The following SPIN1 variants were observed in gnomAD, a reference collection of about 807,000 sequenced individuals.
SPIN1 encodes spindlin 1.
Under a neutral mutation model 26.0 loss-of-function variants are expected in SPIN1, and 3 were observed. The observed-to-expected ratio is 0.12, with a 90% CI of 0.05 to 0.30. The LOEUF (loss-of-function observed/expected upper bound fraction) is 0.30, where lower values mean the gene tolerates loss of function less well. SPIN1 is among the 10% of genes least tolerant of loss of function. The probability of loss-of-function intolerance (pLI) is 1.00; values close to 1 mark genes in which losing one functional copy is unlikely to be tolerated. For synonymous variants in SPIN1, 101 were observed against 116.5 expected, an observed-to-expected ratio of 0.87 and a Z score of 0.86; for missense variants, 126 against 333.4, an observed-to-expected ratio of 0.38 and a Z score of 4.84.
intron 1 of SPIN1, among the ~76,000 whole-genome samples, chr9:88,393,265 T>C (rs2117862698): frequency 6.6e-6 from 1 of 151,878 alleles, no homozygotes; most frequent in Admixed American, 6.6e-5. Flanking sequence ...GATGTTATAG[T>C]AGCGTGTTAA....
intron 5 of SPIN1, among the ~76,000 whole-genome samples, chr9:88,470,748 C>A (rs897157928): frequency 2.0e-5 from 3 of 152,108 alleles, no homozygotes; most frequent in African/African-American, 4.8e-5. Context: ...GCGCGTGCCA[C>A]CATGTCTTCT....
At chr9:88,467,279 A>C (rs896813459) in intron 4 of SPIN1, among the ~76,000 whole-genome samples, 1 of 152,196 alleles carries the variant, frequency 6.6e-6, no homozygotes, top group Admixed American at 6.5e-5. Flanking sequence ...TATCTGATTA[A>C]ATCATACAAA....
chr9:88,458,976 T>G (rs1828526593), intron 3 of SPIN1, among the ~76,000 whole-genome samples: 1 of 152,202 alleles, frequency 6.6e-6, no homozygotes, highest in Non-Finnish European at 1.5e-5. Flanking sequence ...TCTAGAGTGG[T>G]GTTTGACCAC....
At chr9:88,460,573 C>T (rs1045840710) in intron 3 of SPIN1, among the ~76,000 whole-genome samples, 2 of 152,128 alleles carry the variant, frequency 1.3e-5, no homozygotes, top group African/African-American at 4.8e-5. Context: ...AGCCAAGCCT[C>T]GGGAAAGCTG....
At chr9:88,473,643 T>TTGTGTGTGTG (rs113216961) in intron 5 of SPIN1, among the ~76,000 whole-genome samples, 10,463 of 119,280 alleles carry the variant, frequency 0.088, 1,253 homozygotes, top group African/African-American at 0.29. Flanking sequence ...TTCTCCAAAC[T>TTGTGTGTGTG]TGTGTGTGTG....
chr9:88,453,389 A>G (rs1262666360), intron 3 of SPIN1, among the ~76,000 whole-genome samples: 4 of 152,260 alleles, frequency 2.6e-5, no homozygotes, highest in African/African-American at 9.6e-5. Context: ...TTGGGAGCTT[A>G]TAGGAATTCT....
chr9:88,437,505 A>G (rs1413351289), intron 2 of SPIN1, among the ~76,000 whole-genome samples: 1 of 147,356 alleles, frequency 6.8e-6, no homozygotes, highest in Admixed American at 6.7e-5. Flanking sequence ...CTCAAGAAAA[A>G]AAAAAAAGAA....
At chr9:88,472,099 C>T (rs1227555954) in intron 5 of SPIN1, among the ~76,000 whole-genome samples, 1 of 152,090 alleles carries the variant, frequency 6.6e-6, no homozygotes, top group African/African-American at 2.4e-5. Context: ...GCACCCCGGC[C>T]CCTCCTTTCT....
At chr9:88,418,006 C>T (rs887749732) in intron 1 of SPIN1, among the ~76,000 whole-genome samples, 14 of 152,238 alleles carry the variant, frequency 9.2e-5, no homozygotes, top group Non-Finnish European at 1.6e-4. Flanking sequence ...ACTCTGGGCT[C>T]ATCACCCTCA....
In SPIN1 at chr9:88,478,177, A is replaced by G. The variant is rs1245806928; in HGVS notation, c.*2900A>G. 6.6e-6 allele frequency: 1 copy of G among 152,646 alleles called. No individual in the cohort carries two copies. Among genetic ancestry groups the G allele is most frequent in the Non-Finnish European group, 1.5e-5 (1 of 68,042 alleles). The allele number at this position is 152,646 out of a possible 1,614,324, so 9.5% of individuals were successfully genotyped here. ...TTAAAAAAAAATCACAGTTACTTCT[A>G]AACCAGATTTCATTTCTTTTATTGT... On this transcript the variant is annotated 3_prime_UTR_variant, in exon 6 of 6. Coordinates refer to ENST00000375859, the MANE Select transcript of SPIN1 (RefSeq NM_006717.3).
chr9:88,430,805 C>G (rs73500248), intron 2 of SPIN1, among the ~76,000 whole-genome samples: 2,318 of 151,504 alleles, frequency 0.015, 51 homozygotes, highest in African/African-American at 0.051. Flanking sequence ...TTTTTTTTCA[C>G]GTTTTCCCCT....
intron 3 of SPIN1, among the ~76,000 whole-genome samples, chr9:88,449,409 A>G (rs1225758101): frequency 2.0e-5 from 3 of 152,178 alleles, no homozygotes; most frequent in East Asian, 1.9e-4. Flanking sequence ...CCTGCCTAGC[A>G]TGGTGTCACA....
At chr9:88,461,857 T>A (rs1196417024) in intron 3 of SPIN1, among the ~76,000 whole-genome samples, 2 of 152,248 alleles carry the variant, frequency 1.3e-5, no homozygotes, top group Non-Finnish European at 2.9e-5. Context: ...GTTTCAATAA[T>A]TTTTAATATT....
At chr9:88,439,909 A>G (rs1828084044) in intron 2 of SPIN1, among the ~76,000 whole-genome samples, 1 of 152,098 alleles carries the variant, frequency 6.6e-6, no homozygotes, top group Admixed American at 6.5e-5. Context: ...ATGAAGTTGC[A>G]TGTTGTTTTT....
At chr9:88,432,099 T>A (rs1253102718) in intron 2 of SPIN1, among the ~76,000 whole-genome samples, 2 of 152,142 alleles carry the variant, frequency 1.3e-5, no homozygotes, top group Admixed American at 6.5e-5. Flanking sequence ...CTCCTGTTTT[T>A]CTTCTTCTCT....
At chr9:88,471,661 A>G (rs1828789525) in intron 5 of SPIN1, among the ~76,000 whole-genome samples, 1 of 150,406 alleles carries the variant, frequency 6.6e-6, no homozygotes. Flanking sequence ...TCTCAAAAAA[A>G]AAAAAAAAAA....
chr9:88,395,358 C>T (rs78359472), intron 1 of SPIN1, among the ~76,000 whole-genome samples: 15,714 of 151,864 alleles, frequency 0.1, 2,380 homozygotes, highest in East Asian at 0.76. Context: ...CTCTGCCGTT[C>T]TATGCACACT....
At position 88,462,520 on chromosome 9, in the gene SPIN1, G is replaced by A. The variant is rs1828594405; in HGVS notation, c.126G>A (p.Pro42=). 2 of 1,613,898 alleles carry A rather than the reference G, an allele frequency of 1.2e-6. No individual in the cohort carries two copies. The highest frequency in any genetic ancestry group is 1.3e-5 in the African/African-American group (1 of 74,896). Residue 42 remains proline (P), a synonymous_variant, in exon 4 of 6, where the codon CCG becomes CCA. Coordinates refer to ENST00000375859, the MANE Select transcript of SPIN1 (RefSeq NM_006717.3). ...SHKKHRSSVG[P]SKPVSQPRRN... ...GAAAACATCGGAGCAGTGTGGGTCC[G>A]AGCAAACCTGTTTCCCAGCCCCGGC...
In SPIN1 at chr9:88,468,074, C is replaced by T. The variant is rs929891192; in HGVS notation, c.356-298C>T. ...TTATACCTTGAATGAACAATTAAAA[C>T]TTTTGATTTGGGTACAGAACCAAGA... On this transcript the variant is annotated intron_variant, in intron 4 of 5. Coordinates refer to ENST00000375859, the MANE Select transcript of SPIN1 (RefSeq NM_006717.3). Among the ~76,000 whole-genome samples, 4 of 152,040 alleles carry T rather than the reference C, an allele frequency of 2.6e-5. No homozygotes were observed. The South Asian group carries it at 6.3e-4, about 24-fold the overall frequency.
Sources: allele counts gnomAD v4.1 joint callset (sites outside exome capture counted in the v4.1 genomes callset), GRCh38; gene constraint gnomAD v4.1.1; transcripts MANE v1.5; gene names NCBI Gene and HGNC (gene_info 2026-07-23, HGNC 2026-07-21).